The following IPO11 variants were observed in gnomAD, a reference collection of about 807,000 sequenced individuals.
The protein encoded by IPO11 is importin-11.
A neutral mutation model predicts 143.2 loss-of-function variants in IPO11; 66 were observed. The observed-to-expected ratio is 0.46, with a 90% confidence interval of 0.38 to 0.57. IPO11 has a LOEUF of 0.57. Ranked by LOEUF, IPO11 falls within the 20% of genes least tolerant of loss-of-function variation. The probability of loss-of-function intolerance (pLI) is 0.00; values close to 1 mark genes in which losing one functional copy is unlikely to be tolerated. For synonymous variants in IPO11, 385 were observed against 377.8 expected (o/e 1.02, Z -0.22); for missense variants, 1,026 against 1,141.0 (o/e 0.90, Z 1.45).
intron 20 of IPO11, among the ~76,000 whole-genome samples, 172 bp downstream of exon 20, chr5:62,515,673 G>A (rs537122909): frequency 6.6e-6 from 1 of 151,962 alleles, no homozygotes; most frequent in Non-Finnish European, 1.5e-5. Context: ...ACTTTTGCAT[G>A]CTTATTTTGG....
intron 19 of IPO11, among the ~76,000 whole-genome samples, chr5:62,508,619 C>G (rs1342410224): frequency 6.6e-6 from 1 of 150,786 alleles, no homozygotes; most frequent in Non-Finnish European, 1.5e-5. Context: ...TCCCTCCCTC[C>G]GTCTCTCTCT....
chr5:62,582,842 T>G (rs898479284), intron 27 of IPO11, among the ~76,000 whole-genome samples: 4 of 152,206 alleles, frequency 2.6e-5, no homozygotes, highest in Non-Finnish European at 5.9e-5. Flanking sequence ...TAAGTGCCTA[T>G]GCTTGTTGGT....
intron 29 of IPO11, among the ~76,000 whole-genome samples, chr5:62,616,070 A>AGGGGGGGGGGGGGGGGGGGGGG (rs67923113): frequency 9.4e-6 from 1 of 106,348 alleles, no homozygotes; most frequent in African/African-American, 4.1e-5. Context: ...TGGGGGAGGA[A>AGGGGGGGGGGGGGGGGGGGGGG]GGGGGGTGGC....
intron 16 of IPO11, 143 bp from the exon 17 acceptor site, chr5:62,504,524 T>G (rs998931346): frequency 1.8e-6 from 1 of 547,596 alleles, no homozygotes; most frequent in African/African-American, 2.0e-5. Flanking sequence ...AGAGTATCCC[T>G]TTATTTCTGA....
At chr5:62,586,065 G>A (rs1387819075) in intron 27 of IPO11, among the ~76,000 whole-genome samples, 5 of 152,130 alleles carry the variant, frequency 3.3e-5, no homozygotes, top group African/African-American at 1.2e-4. Flanking sequence ...AGATGATTGT[G>A]AGAGTGCCAA....
chr5:62,580,269 T>C, intron 27 of IPO11: 1 of 1,541,900 alleles, frequency 6.5e-7, no homozygotes, highest in Non-Finnish European at 8.8e-7. Flanking sequence ...GAATTAATAA[T>C]CTTAAACATT....
intron 27 of IPO11, among the ~76,000 whole-genome samples, chr5:62,571,912 C>T (rs946643902): frequency 7.2e-5 from 11 of 152,160 alleles, no homozygotes; most frequent in Admixed American, 5.2e-4. Context: ...TCTTCAACTC[C>T]TGACCTCAGG....
intron 5 of IPO11, 58 bp from the exon 6 acceptor site, chr5:62,467,073 A>T: frequency 2.8e-6 from 4 of 1,453,050 alleles, no homozygotes; most frequent in Non-Finnish European, 3.7e-6. Flanking sequence ...TTGTAGTTCT[A>T]ATGTATTACT....
intron 3 of IPO11, among the ~76,000 whole-genome samples, chr5:62,449,025 A>G (rs1744815579): frequency 1.3e-5 from 2 of 152,138 alleles, no homozygotes; most frequent in African/African-American, 4.8e-5. Context: ...AATTTAATGT[A>G]CGTTTACTAT....
chr5:62,541,022 G>A (rs1742916706), intron 24 of IPO11, among the ~76,000 whole-genome samples: 1 of 152,066 alleles, frequency 6.6e-6, no homozygotes, highest in South Asian at 2.1e-4. Flanking sequence ...ATACAATGAT[G>A]GTATATTATT....
chr5:62,461,315 T>G (rs992859914), intron 5 of IPO11, among the ~76,000 whole-genome samples: 1 of 152,174 alleles, frequency 6.6e-6, no homozygotes, highest in Admixed American at 6.5e-5. Context: ...CAAACTGACC[T>G]AATAGGATTC....
chr5:62,530,589 T>C, intron 21 of IPO11, 120 bp from the exon 22 acceptor site: 1 of 599,054 alleles, frequency 1.7e-6, no homozygotes, highest in East Asian at 2.8e-5. Context: ...TTTTTATAAC[T>C]TAACTGATTA....
rs147463557 is a variant in IPO11, at chr5:62,507,272, G to A, written c.1782+915G>A. On this transcript the variant is annotated intron_variant, in intron 19 of 29. Transcript: ENST00000325324. ...AGCATAATGCGACTCCCGTGGTAGG[G>A]TTGAGTCACTGTTAATCATTTGAAA... 4.3e-4 allele frequency among the ~76,000 whole-genome samples: 66 copies of A among 152,294 alleles called. 2 individuals carry two copies. The South Asian group carries it at 6.4e-3, about 15-fold the overall frequency.
rs373377447 is a variant in IPO11, at chr5:62,450,030, T to C, written c.312+31T>C. 867 of 1,464,904 alleles carry C rather than the reference T, an allele frequency of 5.9e-4. 6 individuals are homozygous for C. The highest frequency in any genetic ancestry group is 7.0e-4 in the Non-Finnish European group (753 of 1,068,196). 90.7% of individuals were successfully genotyped at this position (1,464,904 alleles called of 1,614,324 possible). ...TGAGAAATGAATGCTAATTTTTCTT[T>C]TTATTTGTACTGCTTTTCCAAACTA... On this transcript the variant is annotated intron_variant, in intron 4 of 29. Transcript: ENST00000325324.
intron 1 of IPO11, among the ~76,000 whole-genome samples, 176 bp from the exon 2 acceptor site, chr5:62,437,098 T>C (rs1744271285): frequency 6.6e-6 from 1 of 152,172 alleles, no homozygotes; most frequent in Non-Finnish European, 1.5e-5. Flanking sequence ...ATAATTTGAT[T>C]ATGAATTTTA....
At chr5:62,493,907 T>A in intron 15 of IPO11, 91 bp from the exon 16 acceptor site, 3 of 1,188,320 alleles carry the variant, frequency 2.5e-6, no homozygotes, top group Non-Finnish European at 3.5e-6. Flanking sequence ...GCATTCTTAC[T>A]ACATTTTAGA....
intron 1 of IPO11, among the ~76,000 whole-genome samples, chr5:62,431,104 G>A (rs1743969781): frequency 6.6e-6 from 1 of 151,912 alleles, no homozygotes; most frequent in South Asian, 2.1e-4. Context: ...AACCTCCTGA[G>A]TAGCTGGGAC....
intron 29 of IPO11, among the ~76,000 whole-genome samples, chr5:62,624,682 C>A (rs1297201800): frequency 2.0e-5 from 3 of 151,984 alleles, no homozygotes; most frequent in Non-Finnish European, 4.4e-5. Flanking sequence ...TTATCCAGCC[C>A]CTATTCAAGA....
At chr5:62,623,702 A>G (rs1746456341) in intron 29 of IPO11, among the ~76,000 whole-genome samples, 1 of 144,808 alleles carries the variant, frequency 6.9e-6, no homozygotes, top group Admixed American at 7.0e-5. Context: ...GCTAGAGTGC[A>G]GTGGCACAAT....
Sources: gnomAD v4.1 joint callset for allele counts (sites outside exome capture counted in the v4.1 genomes callset) on GRCh38, gnomAD v4.1.1 for gene constraint, MANE v1.5 for transcripts, NCBI Gene and HGNC (gene_info 2026-07-23, HGNC 2026-07-21) for gene names.